SDK1: variants seen among roughly 807,000 people sequenced by gnomAD.
The protein encoded by SDK1 is sidekick cell adhesion molecule 1.
A neutral mutation model predicts 245.5 loss-of-function variants in SDK1; 157 were observed. That is an observed-to-expected ratio of 0.64 (90% CI 0.56 to 0.73). The LOEUF (loss-of-function observed/expected upper bound fraction) is 0.73, where lower values mean the gene tolerates loss of function less well. SDK1 is among the 30% of genes least tolerant of loss of function. SDK1 has a pLI of 0.00. For missense variants in SDK1, 3,583 were observed against 3,002.3 expected, an observed-to-expected ratio of 1.19 and a Z score of -4.52; for synonymous variants, 1,647 against 1,278.5, an observed-to-expected ratio of 1.29 and a Z score of -6.15.
intron 4 of SDK1, among the ~76,000 whole-genome samples, chr7:3,807,146 A>G (rs1779270822): frequency 3.3e-5 from 5 of 152,168 alleles, no homozygotes; most frequent in Admixed American, 3.3e-4. Flanking sequence ...AATCTACCCC[A>G]TCCCCAAAGG....
chr7:3,677,136 C>T (rs191799765), intron 4 of SDK1, among the ~76,000 whole-genome samples: 1 of 152,096 alleles, frequency 6.6e-6, no homozygotes, highest in Non-Finnish European at 1.5e-5. Context: ...TCTGGCCACC[C>T]TACTTAAACC....
Position 4,245,708 on chromosome 7 carries a change from A to T in SDK1, c.6284A>T (p.His2095Leu). Reference protein sequence around the residue: ...SPPRPSPGGLHYSDEDICNKY... With the variant: ...SPPRPSPGGLLYSDEDICNKY... ...CCCCGGCCTAGCCCCGGCGGCCTGC[A>T]CTACTCAGACGAGGACATCTGCAAC... Residue 2095 changes from histidine (H) to leucine (L), a missense_variant, in exon 44 of 45, where the codon CAC becomes CTC. Physicochemically the swap from His to Leu is moderately conservative, Grantham distance 99 (BLOSUM62 -3). Coordinates refer to ENST00000404826, the MANE Select transcript of SDK1 (RefSeq NM_152744.4). 1 of 1,614,056 alleles carries T rather than the reference A, an allele frequency of 6.2e-7. No homozygotes were observed. The highest frequency in any genetic ancestry group is 1.1e-5 in the South Asian group (1 of 91,088).
At chr7:4,241,400 C>T (rs753047622) in intron 42 of SDK1, among the ~76,000 whole-genome samples, 4 of 152,020 alleles carry the variant, frequency 2.6e-5, no homozygotes, top group Non-Finnish European at 4.4e-5. Flanking sequence ...TTTGAGAGGC[C>T]GAGGTGGAAG....
intron 24 of SDK1, 52 bp downstream of exon 24, chr7:4,113,491 A>G (rs1268177864): frequency 6.3e-7 from 1 of 1,593,464 alleles, no homozygotes; most frequent in Non-Finnish European, 8.6e-7. Flanking sequence ...TGAGTGAGCC[A>G]GGGCACACAC....
intron 9 of SDK1, among the ~76,000 whole-genome samples, chr7:3,964,074 A>G (rs576661640): frequency 1.3e-5 from 2 of 152,402 alleles, no homozygotes; most frequent in South Asian, 4.1e-4. Context: ...GCAAAGCCAG[A>G]CCTGCTAGAC....
chr7:3,786,421 A>T (rs1476852295), intron 4 of SDK1, among the ~76,000 whole-genome samples: 1 of 152,180 alleles, frequency 6.6e-6, no homozygotes, highest in African/African-American at 2.4e-5. Context: ...CACTTAAAAA[A>T]CATACCAGAT....
intron 1 of SDK1, among the ~76,000 whole-genome samples, chr7:3,557,554 T>C (rs1779626654): frequency 1.3e-5 from 2 of 152,190 alleles, no homozygotes; most frequent in Non-Finnish European, 2.9e-5. Context: ...TTTATAGAAT[T>C]AAGTACACAC....
Position 4,243,426 on chromosome 7 carries a change from T to C in SDK1, c.6251+1513T>C, listed in dbSNP as rs1008466818. ...AATAGGACCCTGTATTCATCTGTCCTCACGCTGCTAATAAAGACATACCCA... is the reference window on the plus strand; with the variant it reads ...AATAGGACCCTGTATTCATCTGTCCCCACGCTGCTAATAAAGACATACCCA... On this transcript the variant is annotated intron_variant, in intron 43 of 44. Coordinates refer to ENST00000404826, the MANE Select transcript of SDK1 (RefSeq NM_152744.4). Among the ~76,000 whole-genome samples, 4 of 152,184 alleles carry C rather than the reference T, an allele frequency of 2.6e-5. No individual in the cohort carries two copies. In the South Asian group the frequency reaches 8.3e-4, roughly 31 times the overall value.
At chr7:4,022,778 T>G (rs1004229065) in intron 17 of SDK1, among the ~76,000 whole-genome samples, 4 of 144,096 alleles carry the variant, frequency 2.8e-5, no homozygotes, top group African/African-American at 1.0e-4. Context: ...CTTTCTTTCT[T>G]TTTTTTTTTT....
At chr7:4,225,570 G>A (rs1025024601) in intron 40 of SDK1, among the ~76,000 whole-genome samples, 2 of 152,192 alleles carry the variant, frequency 1.3e-5, no homozygotes, top group Admixed American at 1.3e-4. Context: ...CTCATATGCT[G>A]CTCCGCCGGC....
chr7:3,641,287 T>A (rs1330278143), intron 3 of SDK1, among the ~76,000 whole-genome samples: 1 of 152,184 alleles, frequency 6.6e-6, no homozygotes, highest in African/African-American at 2.4e-5. Context: ...AATTTTCAAA[T>A]GTTACAAATT....
chr7:3,793,705 A>G (rs41883), intron 4 of SDK1, among the ~76,000 whole-genome samples: 14,050 of 152,076 alleles, frequency 0.092, 2,023 homozygotes, highest in African/African-American at 0.31. Flanking sequence ...TTGGAAGCAA[A>G]GTTTAAAGTA....
chr7:3,315,527 A>G (rs1296867536), intron 1 of SDK1, among the ~76,000 whole-genome samples: 1 of 152,162 alleles, frequency 6.6e-6, no homozygotes, highest in Non-Finnish European at 1.5e-5. Flanking sequence ...CAAGTAGAAA[A>G]GGGTGTGGAA....
intron 35 of SDK1, among the ~76,000 whole-genome samples, chr7:4,186,062 A>G (rs1013467933): frequency 1.3e-5 from 2 of 152,210 alleles, no homozygotes; most frequent in Non-Finnish European, 2.9e-5. Context: ...CTCTGCAACT[A>G]CTGTCCTTTC....
intron 1 of SDK1, among the ~76,000 whole-genome samples, chr7:3,432,179 C>A (rs1172243843): frequency 6.8e-6 from 1 of 147,946 alleles, no homozygotes; most frequent in Non-Finnish European, 1.5e-5. Flanking sequence ...ATATATATAT[C>A]CCCATACCTG....
chr7:3,611,662 C>T (rs890588632), intron 1 of SDK1, among the ~76,000 whole-genome samples: 2 of 152,142 alleles, frequency 1.3e-5, no homozygotes, highest in African/African-American at 4.8e-5. Flanking sequence ...ACATTCCTAG[C>T]AGCAGTGTAA....
At chr7:4,117,456 G>T (rs78288934) in intron 25 of SDK1, among the ~76,000 whole-genome samples, 2 of 152,262 alleles carry the variant, frequency 1.3e-5, no homozygotes, top group African/African-American at 4.8e-5. Flanking sequence ...CAACGGAGCA[G>T]GTTATTATGC....
chr7:4,058,096 A>C (rs891430873), intron 19 of SDK1, among the ~76,000 whole-genome samples: 4 of 152,202 alleles, frequency 2.6e-5, no homozygotes, highest in Non-Finnish European at 4.4e-5. Flanking sequence ...AAAAATAAAA[A>C]ATAATGATAT....
At chr7:3,569,135 A>C (rs1780023603) in intron 1 of SDK1, among the ~76,000 whole-genome samples, 1 of 151,860 alleles carries the variant, frequency 6.6e-6, no homozygotes, top group Non-Finnish European at 1.5e-5. Context: ...GCTTAGTTTT[A>C]AATGTTTTAA....
Sources: allele counts gnomAD v4.1 joint callset (sites outside exome capture counted in the v4.1 genomes callset), GRCh38; gene constraint gnomAD v4.1.1; transcripts MANE v1.5; gene names NCBI Gene and HGNC (gene_info 2026-07-23, HGNC 2026-07-21).